NCALD: variants seen among roughly 807,000 people sequenced by gnomAD.
The protein encoded by NCALD is neurocalcin-delta.
NCALD carries 10 observed loss-of-function variants against 18.6 expected under a neutral mutation model. The ratio of observed to expected loss-of-function variants is 0.54; its 90% CI spans 0.33 to 0.91. The LOEUF is 0.91. Ranked by LOEUF, NCALD falls within the 40% of genes least tolerant of loss-of-function variation. NCALD has a pLI of 0.03. For missense variants in NCALD, 184 were observed against 247.6 expected (o/e 0.74, Z 1.72); for synonymous variants, 88 against 87.4 (o/e 1.01, Z -0.04).
At chr8:101,998,612 C>A (rs1821325185) in intron 2 of NCALD, among the ~76,000 whole-genome samples, 1 of 152,190 alleles carries the variant, frequency 6.6e-6, no homozygotes, top group Non-Finnish European at 1.5e-5. Flanking sequence ...ATGATTACAA[C>A]CCTCATGGGT....
At chr8:102,046,146 A>G (rs1330148466) in intron 1 of NCALD, among the ~76,000 whole-genome samples, 1 of 152,218 alleles carries the variant, frequency 6.6e-6, no homozygotes, top group Non-Finnish European at 1.5e-5. Flanking sequence ...CTGAAATTGC[A>G]TCAAGTATCT....
At chr8:101,840,963 T>A (rs1264932) in intron 4 of NCALD, among the ~76,000 whole-genome samples, 59,122 of 152,084 alleles carry the variant, frequency 0.39, 14,510 homozygotes, top group African/African-American at 0.7. Context: ...ATTAAAAAGC[T>A]TTAATTTAAC....
At chr8:101,891,175 T>G (rs1277125035) in intron 3 of NCALD, among the ~76,000 whole-genome samples, 1 of 152,170 alleles carries the variant, frequency 6.6e-6, no homozygotes, top group Admixed American at 6.5e-5. Context: ...TTATCACATA[T>G]GTACATCCAT....
chr8:101,999,957 G>A (rs187841943), intron 2 of NCALD, among the ~76,000 whole-genome samples: 3 of 152,156 alleles, frequency 2.0e-5, no homozygotes, highest in Non-Finnish European at 4.4e-5. Context: ...CCCTGCATGA[G>A]CGACGCAGAA....
chr8:101,859,304 C>A (rs1035785034), intron 4 of NCALD, among the ~76,000 whole-genome samples: 2 of 152,190 alleles, frequency 1.3e-5, no homozygotes, highest in Non-Finnish European at 2.9e-5. Context: ...CACAGACTGA[C>A]GGTTGCACTG....
chr8:101,719,106 A>T, intron 2 of NCALD, 146 bp downstream of exon 2: 1 of 908,472 alleles, frequency 1.1e-6, no homozygotes, highest in Non-Finnish European at 1.6e-6. Flanking sequence ...AATGCAGTTT[A>T]AACTGTTCAA....
intron 3 of NCALD, among the ~76,000 whole-genome samples, chr8:101,892,035 T>C (rs956284352): frequency 7.2e-5 from 11 of 152,098 alleles, no homozygotes; most frequent in African/African-American, 2.7e-4. Flanking sequence ...CCTGGCTGCC[T>C]CTGTAGGCTC....
chr8:102,029,235 A>T (rs1822577901), intron 1 of NCALD: 1 of 152,226 alleles, frequency 6.6e-6, no homozygotes, highest in Non-Finnish European at 1.5e-5. Flanking sequence ...CATAGGAAAG[A>T]CAGGGAAATG....
intron 4 of NCALD, among the ~76,000 whole-genome samples, chr8:101,828,136 C>T (rs944484120): frequency 6.6e-6 from 1 of 152,206 alleles, no homozygotes; most frequent in Non-Finnish European, 1.5e-5. Context: ...CAGCTCTCTA[C>T]TTCTGCACTT....
intron 2 of NCALD, among the ~76,000 whole-genome samples, chr8:101,700,480 T>C (rs1365925021): frequency 9.9e-5 from 15 of 152,208 alleles, no homozygotes; most frequent in Non-Finnish European, 1.8e-4. Flanking sequence ...CAGTAATGCC[T>C]TGATAGCTGT....
At chr8:101,712,969 T>C (rs114342903) in intron 2 of NCALD, among the ~76,000 whole-genome samples, 3,894 of 152,028 alleles carry the variant, frequency 0.026, 131 homozygotes, top group African/African-American at 0.078. Context: ...AAATCAACAG[T>C]GTATACATTC....
chr8:101,953,033 T>G (rs781176091), intron 2 of NCALD, among the ~76,000 whole-genome samples: 12 of 151,978 alleles, frequency 7.9e-5, no homozygotes, highest in Non-Finnish European at 1.2e-4. Flanking sequence ...ACATCCTAGA[T>G]CTCTGCTAAC....
At chr8:102,086,770 T>G (rs1015215301) in intron 1 of NCALD, among the ~76,000 whole-genome samples, 9 of 152,190 alleles carry the variant, frequency 5.9e-5, no homozygotes, top group Non-Finnish European at 8.8e-5. Context: ...TCCCAGACTG[T>G]TAAAGCATTC....
At chr8:101,702,984 T>A (rs1815340701) in intron 2 of NCALD, among the ~76,000 whole-genome samples, 1 of 152,222 alleles carries the variant, frequency 6.6e-6, no homozygotes, top group South Asian at 2.1e-4. Context: ...AAGAGGCGTG[T>A]TGAAATCTAT....
chr8:101,773,234 T>C (rs2130907705), intron 1 of NCALD, among the ~76,000 whole-genome samples: 1 of 152,220 alleles, frequency 6.6e-6, no homozygotes, highest in African/African-American at 2.4e-5. Context: ...ATGGCACTCT[T>C]GTCCAGTCAT....
rs1554674244 is a variant in NCALD at position 101,967,866 on chromosome 8, CAT to C, written c.-156-52010_-156-52009del. On this transcript the variant is annotated intron_variant, in intron 2 of 6. Coordinates refer to the NCALD transcript ENST00000311028. Reference sequence around the variant, plus strand: ...ACACACACACACACACACACACACACATGCACTCACCCTCAGTCATTTCATGC... The same window carrying C: ...ACACACACACACACACACACACACACGCACTCACCCTCAGTCATTTCATGC... Among the ~76,000 whole-genome samples, 129 of 151,444 alleles carry C rather than the reference CAT, an allele frequency of 8.5e-4. 1 individual carries two copies. The South Asian group carries it at 0.017, about 20-fold the overall frequency.
intron 1 of NCALD, among the ~76,000 whole-genome samples, chr8:101,769,952 A>T (rs180734630): frequency 6.6e-6 from 1 of 152,298 alleles, no homozygotes; most frequent in African/African-American, 2.4e-5. Flanking sequence ...GAGAACCAAC[A>T]GCTCAGAGAC....
chr8:101,747,878 T>G (rs929824634), intron 1 of NCALD, among the ~76,000 whole-genome samples: 1 of 152,070 alleles, frequency 6.6e-6, no homozygotes, highest in Non-Finnish European at 1.5e-5. Context: ...CCACAACACC[T>G]GGCTAATTTT....
chr8:101,763,213 A>C (rs1811187125), intron 1 of NCALD, among the ~76,000 whole-genome samples: 1 of 152,244 alleles, frequency 6.6e-6, no homozygotes, highest in African/African-American at 2.4e-5. Flanking sequence ...GGAGACCAGG[A>C]ATACCGGTGG....
Sources: allele counts gnomAD v4.1 joint callset (sites outside exome capture counted in the v4.1 genomes callset), GRCh38; gene constraint gnomAD v4.1.1; transcripts MANE v1.5; gene names NCBI Gene and HGNC (gene_info 2026-07-23, HGNC 2026-07-21).